The following CSMD3 variants were observed in gnomAD, a reference collection of about 807,000 sequenced individuals.
CSMD3 encodes the protein CUB and Sushi multiple domains 3.
CSMD3 carries 177 observed loss-of-function variants against 435.2 expected under a neutral mutation model. That is an observed-to-expected ratio of 0.41 (90% confidence interval 0.36 to 0.46). CSMD3 has a LOEUF of 0.46. Ranked by LOEUF, CSMD3 falls within the 20% of genes least tolerant of loss-of-function variation. The probability of loss-of-function intolerance (pLI) is 0.34; values close to 1 mark genes in which losing one functional copy is unlikely to be tolerated. For missense variants in CSMD3, 4,265 were observed against 4,504.6 expected, an observed-to-expected ratio of 0.95 and a Z score of 1.52; for synonymous variants, 1,656 against 1,520.5, an observed-to-expected ratio of 1.09 and a Z score of -2.07.
rs1441766433 is a variant in CSMD3, at chr8:112,231,570, A to G, written c.10803T>C (p.Tyr3601=). ...VFQGFIQGKD[Y]GQFGLQRLGL... ...CCAGTCTTTGTAGGCCAAATTGTCCATAATCTTTGCCTTGAATAAATCCTT... is the reference window on the plus strand; with the variant it reads ...CCAGTCTTTGTAGGCCAAATTGTCCGTAATCTTTGCCTTGAATAAATCCTT... Residue 3601 remains tyrosine, a synonymous_variant, in exon 69 of 71, where the codon TAT becomes TAC. Coordinates refer to ENST00000297405, the MANE Select transcript of CSMD3 (RefSeq NM_198123.2). 2 of 1,611,086 alleles carry G rather than the reference A, an allele frequency of 1.2e-6. No homozygotes were observed. The highest frequency in any genetic ancestry group is 2.2e-5 in the South Asian group (2 of 91,034).
intron 38 of CSMD3, among the ~76,000 whole-genome samples, chr8:112,355,606 G>C (rs1023599889): frequency 5.9e-5 from 9 of 152,224 alleles, no homozygotes; most frequent in African/African-American, 4.8e-5. Context: ...GTCTGAGGCA[G>C]GTGCATCACG....
intron 3 of CSMD3, among the ~76,000 whole-genome samples, chr8:113,253,921 A>G (rs2093357577): frequency 6.6e-6 from 1 of 152,108 alleles, no homozygotes; most frequent in Admixed American, 6.5e-5. Flanking sequence ...ATCTTATCCT[A>G]ACATGTAGTT....
intron 25 of CSMD3, among the ~76,000 whole-genome samples, chr8:112,555,877 A>T (rs1828069149): frequency 6.6e-6 from 1 of 151,952 alleles, no homozygotes; most frequent in South Asian, 2.1e-4. Flanking sequence ...TTTGTATATC[A>T]ATTATACCTC....
chr8:112,474,316 G>A (rs1317222341), intron 31 of CSMD3, among the ~76,000 whole-genome samples: 1 of 152,102 alleles, frequency 6.6e-6, no homozygotes, highest in Non-Finnish European at 1.5e-5. Context: ...GGGGCAAGTG[G>A]GGGAGGCTAG....
chr8:113,405,992 C>T (rs1382467), intron 1 of CSMD3, among the ~76,000 whole-genome samples: 115,052 of 151,652 alleles, frequency 0.76, 43,956 homozygotes, highest in East Asian at 0.94. Flanking sequence ...AACTTGCAGA[C>T]ATGATCTTGC....
intron 22 of CSMD3, among the ~76,000 whole-genome samples, chr8:112,620,294 G>A (rs538834731): frequency 7.2e-5 from 11 of 152,224 alleles, no homozygotes; most frequent in African/African-American, 2.2e-4. Context: ...AGTAGGAACC[G>A]TATGTTAAAT....
Position 112,273,704 on chromosome 8 carries a change from T to C in CSMD3, c.9508+7470A>G, listed in dbSNP as rs1392459138. Among the ~76,000 whole-genome samples, 21 of 133,060 alleles carry C rather than the reference T, an allele frequency of 1.6e-4. No individual in the cohort carries two copies. In the East Asian group the frequency reaches 1.7e-3, roughly 11 times the overall value. The allele number at this position is 133,060 out of a possible 152,430, so 87.3% of individuals were successfully genotyped here. ...TCATGCCACTGCACTCCAGCCTGGG[T>C]GACAGAGTGAGACTCTGTCTCAAAA... On this transcript the variant is annotated intron_variant, in intron 59 of 70. Coordinates refer to ENST00000297405, the MANE Select transcript of CSMD3 (RefSeq NM_198123.2).
intron 5 of CSMD3, among the ~76,000 whole-genome samples, chr8:113,040,516 G>C (rs1304373919): frequency 6.6e-6 from 1 of 152,138 alleles, no homozygotes; most frequent in African/African-American, 2.4e-5. Context: ...GATGGCAATG[G>C]AGGTCAATAG....
chr8:112,348,734 TA>T (rs1825886551), intron 40 of CSMD3, among the ~76,000 whole-genome samples: 1 of 152,120 alleles, frequency 6.6e-6, no homozygotes, highest in Non-Finnish European at 1.5e-5. Flanking sequence ...CCAACTTTAC[TA>T]AAAATACAAA....
intron 4 of CSMD3, among the ~76,000 whole-genome samples, chr8:113,170,292 T>C (rs1183892512): frequency 1.3e-5 from 1 of 76,640 alleles, no homozygotes; most frequent in Non-Finnish European, 2.1e-5. Flanking sequence ...TAAGTTTTAA[T>C]GAAAAAAATT....
At chr8:112,407,242 TAAC>T (rs1831939582) in intron 34 of CSMD3, among the ~76,000 whole-genome samples, 1 of 152,122 alleles carries the variant, frequency 6.6e-6, no homozygotes, top group East Asian at 1.9e-4. Flanking sequence ...TTGAGAAAGA[TAAC>T]TACATTTGGA....
intron 1 of CSMD3, among the ~76,000 whole-genome samples, chr8:113,355,281 C>CAT (rs372642920): frequency 2.4e-3 from 368 of 150,814 alleles, no homozygotes; most frequent in African/African-American, 8.2e-3. Context: ...CACACACACA[C>CAT]ATATATATAT....
chr8:112,851,535 G>A (rs1044084191), intron 11 of CSMD3, among the ~76,000 whole-genome samples: 3 of 152,138 alleles, frequency 2.0e-5, no homozygotes, highest in African/African-American at 7.2e-5. Context: ...GGAGGCCGAG[G>A]CGGGCAGATC....
chr8:113,329,929 A>G (rs1189752655), intron 1 of CSMD3, among the ~76,000 whole-genome samples: 1 of 152,142 alleles, frequency 6.6e-6, no homozygotes, highest in Non-Finnish European at 1.5e-5. Flanking sequence ...ACTGTCTTAC[A>G]AGAAAAATTA....
At chr8:112,494,329 C>CTTT (rs1563614401) in intron 30 of CSMD3, among the ~76,000 whole-genome samples, 3 of 151,112 alleles carry the variant, frequency 2.0e-5, no homozygotes, top group African/African-American at 4.8e-5. Context: ...TTTCTTTCTT[C>CTTT]CTTTCTTTTG....
chr8:112,490,388 T>C (rs1820567341), intron 31 of CSMD3, among the ~76,000 whole-genome samples: 1 of 152,154 alleles, frequency 6.6e-6, no homozygotes, highest in Non-Finnish European at 1.5e-5. Context: ...AGTGATCCTA[T>C]AAAATGGTTT....
At chr8:112,952,725 A>G (rs1368403755) in intron 8 of CSMD3, among the ~76,000 whole-genome samples, 1 of 151,604 alleles carries the variant, frequency 6.6e-6, no homozygotes, top group Non-Finnish European at 1.5e-5. Flanking sequence ...AAAAACCAAG[A>G]GTATTTAAAA....
At chr8:112,581,378 T>A (rs893775532) in intron 23 of CSMD3, among the ~76,000 whole-genome samples, 1 of 152,114 alleles carries the variant, frequency 6.6e-6, no homozygotes, top group African/African-American at 2.4e-5. Context: ...TGTGTAATGT[T>A]GATTGAGTGG....
At chr8:113,367,319 G>T (rs1026943707) in intron 1 of CSMD3, among the ~76,000 whole-genome samples, 3 of 151,698 alleles carry the variant, frequency 2.0e-5, no homozygotes. Context: ...ATTTTTTCAT[G>T]AAGATTTTAA....
Sources: gnomAD v4.1 joint callset for allele counts (sites outside exome capture counted in the v4.1 genomes callset) on GRCh38, gnomAD v4.1.1 for gene constraint, MANE v1.5 for transcripts, NCBI Gene and HGNC (gene_info 2026-07-23, HGNC 2026-07-21) for gene names.